Variants in SLC14A2 observed in about 807,000 individuals in gnomAD.
The protein encoded by SLC14A2 is urea transporter 2.
In SLC14A2, 91 loss-of-function variants were observed where a neutral mutation model predicts 104.6. The observed-to-expected ratio is 0.87, with a 90% CI of 0.73 to 1.04. The LOEUF (loss-of-function observed/expected upper bound fraction) is 1.04. Among genes scored for constraint, SLC14A2 ranks in the 50% least tolerant of loss-of-function variants. The probability of loss-of-function intolerance (pLI) is 0.00; values close to 1 mark genes in which losing one functional copy is unlikely to be tolerated. For synonymous variants in SLC14A2, 476 were observed against 466.4 expected (o/e 1.02, Z -0.27); for missense variants, 1,189 against 1,156.0 (o/e 1.03, Z -0.41).
intron 2 of SLC14A2, among the ~76,000 whole-genome samples, chr18:45,547,587 T>A (rs1320519792): frequency 6.6e-6 from 1 of 152,190 alleles, no homozygotes; most frequent in African/African-American, 2.4e-5. Context: ...TGTATCTGAG[T>A]CCCGGCCAGC....
chr18:45,632,585 A>G (rs1468245150), intron 5 of SLC14A2, 107 bp downstream of exon 5: 78 of 1,258,142 alleles, frequency 6.2e-5, no homozygotes, highest in Non-Finnish European at 1.2e-5. Context: ...CAGCCCCTTC[A>G]TAGCCAAGTT....
the SLC14A2 span, among the ~76,000 whole-genome samples, chr18:45,173,855 C>T: frequency 3.3e-5 from 5 of 152,142 alleles, no homozygotes; most frequent in East Asian, 9.6e-4. Flanking sequence ...GCAACACAGC[C>T]CTGCATTTTG....
At chr18:45,265,534 A>G (rs1413470122) in intron 1 of SLC14A2, among the ~76,000 whole-genome samples, 1 of 152,096 alleles carries the variant, frequency 6.6e-6, no homozygotes, top group East Asian at 1.9e-4. Flanking sequence ...CCACCCTTTC[A>G]TTTTATTTGG....
intron 1 of SLC14A2, among the ~76,000 whole-genome samples, chr18:45,434,761 G>A (rs2086569977): frequency 6.6e-6 from 1 of 152,174 alleles, no homozygotes; most frequent in African/African-American, 2.4e-5. Context: ...TAAAGAATGG[G>A]CAAGATAAGA....
At chr18:45,621,247 T>C (rs1425395063) in intron 1 of SLC14A2, among the ~76,000 whole-genome samples, 1 of 152,206 alleles carries the variant, frequency 6.6e-6, no homozygotes, top group Non-Finnish European at 1.5e-5. Flanking sequence ...GCCCCCTCTA[T>C]GGCAGTGTGC....
At position 45,643,908 on chromosome 18, in the gene SLC14A2, C is replaced by T. The variant is rs899983643; in HGVS notation, c.1177-78C>T. On this transcript the variant is annotated intron_variant, in intron 9 of 19. Coordinates refer to ENST00000255226, the MANE Select transcript of SLC14A2 (RefSeq NM_007163.4). ...GGATCTCCATCCTCAACGCCTGTCA[C>T]ATCCTTCTCCCCCAGAGTCCCCAGC... is the stretch of plus-strand genomic sequence containing the variant. The T allele has an allele frequency of 1.1e-5, 14 of 1,288,024 alleles. No homozygotes were observed. In the South Asian group the frequency reaches 1.6e-4, roughly 15 times the overall value. The allele number at this position is 1,288,024 out of a possible 1,614,324, so 79.8% of individuals were successfully genotyped here. A position where few individuals can be genotyped will look rare whatever the true frequency, so the allele number is the denominator to read the frequency against.
the SLC14A2 span, among the ~76,000 whole-genome samples, chr18:45,175,330 T>C: frequency 6.6e-6 from 1 of 151,916 alleles, no homozygotes; most frequent in Non-Finnish European, 1.5e-5. Flanking sequence ...TTTAAAAAGC[T>C]CCCCAAGATA....
At chr18:45,564,142 G>T (rs2044237971) in intron 2 of SLC14A2, among the ~76,000 whole-genome samples, 1 of 152,204 alleles carries the variant, frequency 6.6e-6, no homozygotes, top group Non-Finnish European at 1.5e-5. Context: ...CATCAAAAAA[G>T]AAACAAGATG....
At chr18:45,495,602 A>G (rs774066884) in intron 2 of SLC14A2, among the ~76,000 whole-genome samples, 7 of 152,192 alleles carry the variant, frequency 4.6e-5, no homozygotes, top group Non-Finnish European at 7.3e-5. Context: ...TCTATGAGAC[A>G]GTGTCCTCTT....
At chr18:45,492,600 T>G (rs1598909377) in intron 2 of SLC14A2, among the ~76,000 whole-genome samples, 1 of 152,196 alleles carries the variant, frequency 6.6e-6, no homozygotes, top group South Asian at 2.1e-4. Flanking sequence ...TAGATTTGGG[T>G]GGGTCACAGA....
rs145235108 is a variant in SLC14A2, at chr18:45,601,910, G to A, written c.-34-22721G>A. The stretch of plus-strand genomic sequence containing the variant: ...GTCTTATCCAGGAAGCATCTGCTTA[G>A]GCAGGACTGGCTGAAAGATGTGAAT... On this transcript the variant is annotated intron_variant, in intron 2 of 20. Coordinates refer to the SLC14A2 transcript ENST00000586448. 1.1e-3 allele frequency among the ~76,000 whole-genome samples: 168 copies of A among 152,372 alleles called. 2 individuals are homozygous for A. The highest frequency in any genetic ancestry group is 3.8e-3 in the African/African-American group (160 of 41,582).
At chr18:45,191,083 C>A in the SLC14A2 span, among the ~76,000 whole-genome samples, 1 of 152,074 alleles carries the variant, frequency 6.6e-6, no homozygotes, top group African/African-American at 2.4e-5. Flanking sequence ...CAGCTGGCAT[C>A]CAGCTCCATG....
At position 45,673,725 on chromosome 18, in the gene SLC14A2, T is replaced by C. The variant is rs545643760; in HGVS notation, c.2420T>C (p.Leu807Pro). ...ATPFDSIYFG[L>P]CGFNSTLACI... ...CCCTTTGACTCCATCTACTTCGGCC[T>C]GTGTGGCTTCAACAGCACCCTCGCA... Residue 807 changes from leucine (L) to proline (P), a missense_variant, in exon 18 of 20, where the codon CTG (leucine) becomes CCG (proline). Physicochemically the swap from Leu to Pro is moderately conservative, Grantham distance 98. Coordinates refer to ENST00000255226, the MANE Select transcript of SLC14A2 (RefSeq NM_007163.4). The C allele has an allele frequency of 8.1e-6, 13 of 1,614,198 alleles. No homozygotes were observed. The highest frequency in any genetic ancestry group is 5.3e-5 in the African/African-American group (4 of 75,060).
chr18:45,303,810 A>G (rs1274881130), intron 1 of SLC14A2, among the ~76,000 whole-genome samples: 5 of 152,220 alleles, frequency 3.3e-5, no homozygotes, highest in African/African-American at 1.2e-4. Flanking sequence ...CAAAAGATCA[A>G]GGTTCCAGCT....
chr18:45,457,366 G>A (rs576327799), intron 1 of SLC14A2, among the ~76,000 whole-genome samples: 9 of 152,254 alleles, frequency 5.9e-5, no homozygotes, highest in Non-Finnish European at 1.2e-4. Flanking sequence ...TGGATTTAGA[G>A]AGAAGCAACA....
intron 10 of SLC14A2, 86 bp downstream of exon 10, chr18:45,644,246 C>A: frequency 7.5e-7 from 1 of 1,342,248 alleles, no homozygotes; most frequent in Non-Finnish European, 1.0e-6. Context: ...CAATCAGTTG[C>A]AGCACTCACC....
intron 1 of SLC14A2, among the ~76,000 whole-genome samples, chr18:45,481,577 G>T (rs979818444): frequency 6.6e-6 from 1 of 152,016 alleles, no homozygotes; most frequent in Admixed American, 6.6e-5. Flanking sequence ...AAATGGTGGT[G>T]GTATCTATGT....
At chr18:45,237,871 G>A (rs1362116459) in intron 1 of SLC14A2, among the ~76,000 whole-genome samples, 1 of 152,214 alleles carries the variant, frequency 6.6e-6, no homozygotes, top group Non-Finnish European at 1.5e-5. Flanking sequence ...TTCCATTGTG[G>A]TTGGTAGTAT....
At chr18:45,390,942 A>G (rs1483704520) in intron 1 of SLC14A2, among the ~76,000 whole-genome samples, 3 of 152,150 alleles carry the variant, frequency 2.0e-5, no homozygotes, top group Admixed American at 2.0e-4. Flanking sequence ...ATGTTTTTTT[A>G]TTATACTTTA....
Sources: gnomAD v4.1 joint callset for allele counts (sites outside exome capture counted in the v4.1 genomes callset) on GRCh38, gnomAD v4.1.1 for gene constraint, MANE v1.5 for transcripts, NCBI Gene and HGNC (gene_info 2026-07-23, HGNC 2026-07-21) for gene names.